FUBP3: variants seen among roughly 807,000 people sequenced by gnomAD.
The protein encoded by FUBP3 is far upstream element binding protein 3.
Under a neutral mutation model 85.6 loss-of-function variants are expected in FUBP3, and 28 were observed. The observed-to-expected ratio is 0.33, with a 90% CI of 0.24 to 0.45. FUBP3 has a LOEUF of 0.45. FUBP3 is among the 20% of genes least tolerant of loss of function. FUBP3 has a pLI of 1.00. For synonymous variants in FUBP3, 271 were observed against 271.4 expected, an observed-to-expected ratio of 1.00 and a Z score of 0.01; for missense variants, 583 against 755.1, an observed-to-expected ratio of 0.77 and a Z score of 2.67.
At chr9:130,622,178 A>T (rs1424948191) in intron 9 of FUBP3, among the ~76,000 whole-genome samples, 1 of 149,224 alleles carries the variant, frequency 6.7e-6, no homozygotes, top group Non-Finnish European at 1.5e-5. Context: ...ACAAAAATAA[A>T]CTGGGCATGG....
chr9:130,625,604 G>C (rs77354709), intron 11 of FUBP3, among the ~76,000 whole-genome samples: 2,637 of 152,318 alleles, frequency 0.017, 89 homozygotes, highest in African/African-American at 0.061. Flanking sequence ...TGACTCCGCG[G>C]ACAGCGGCTG....
chr9:130,602,885 G>T (rs1486864038), intron 2 of FUBP3, among the ~76,000 whole-genome samples: 1 of 152,006 alleles, frequency 6.6e-6, no homozygotes, highest in African/African-American at 2.4e-5. Flanking sequence ...TGAGAGTCAC[G>T]TCTGCCCCTG....
At position 130,636,144 on chromosome 9, in the gene FUBP3, A is replaced by G. The variant is rs1830408564; in HGVS notation, c.1710+18A>G. 6.2e-7 allele frequency: 1 copy of G among 1,610,906 alleles called. No individual in the cohort carries two copies. The highest frequency in any genetic ancestry group is 2.2e-5 in the East Asian group (1 of 44,866). ...ACAGCCAGGTCTGTAGCTGATCACCAGCACCGCTGCCACTCCCTAGCCCCG... is the reference window on the plus strand; with the variant it reads ...ACAGCCAGGTCTGTAGCTGATCACCGGCACCGCTGCCACTCCCTAGCCCCG... On this transcript the variant is annotated intron_variant, in intron 18 of 18. Coordinates refer to ENST00000319725, the MANE Select transcript of FUBP3 (RefSeq NM_003934.2).
intron 2 of FUBP3, among the ~76,000 whole-genome samples, chr9:130,601,734 C>T (rs766327695): frequency 3.0e-4 from 46 of 151,712 alleles, no homozygotes; most frequent in Non-Finnish European, 4.9e-4. Context: ...TCGTTTTCCA[C>T]GGTTTCAGTT....
rs1040779224 is a variant in FUBP3 at position 130,634,018 on chromosome 9, T to C, written c.1511-649T>C. On this transcript the variant is annotated intron_variant, in intron 16 of 18. Coordinates refer to ENST00000319725, the MANE Select transcript of FUBP3 (RefSeq NM_003934.2). ...GTCCTGACCCGCCACTGTGGTCAAGTCTTTGAACCCCCTCTTGTGCCTGGC... is the reference window on the plus strand; with the variant it reads ...GTCCTGACCCGCCACTGTGGTCAAGCCTTTGAACCCCCTCTTGTGCCTGGC... 2.0e-5 allele frequency among the ~76,000 whole-genome samples: 3 copies of C among 152,068 alleles called. No individual in the cohort carries two copies. The East Asian group carries it at 5.8e-4, about 29-fold the overall frequency.
intron 6 of FUBP3, among the ~76,000 whole-genome samples, chr9:130,615,476 A>T (rs1486022781): frequency 1.3e-5 from 2 of 152,226 alleles, no homozygotes; most frequent in African/African-American, 4.8e-5. Context: ...CCTGTTTAGT[A>T]GCTGAATTCT....
intron 2 of FUBP3, among the ~76,000 whole-genome samples, chr9:130,598,758 A>G (rs570045279): frequency 1.3e-5 from 2 of 152,338 alleles, no homozygotes; most frequent in Non-Finnish European, 2.9e-5. Context: ...GTAAATACAC[A>G]CGAATTTTTA....
At chr9:130,595,718 AT>A (rs1821603317) in intron 2 of FUBP3, 130 bp downstream of exon 2, 1 of 664,384 alleles carries the variant, frequency 1.5e-6, no homozygotes, top group Admixed American at 2.2e-5. Flanking sequence ...GAAGGGAAGT[AT>A]TTAGGATGAT....
At chr9:130,611,736 G>A (rs1220247712) in intron 3 of FUBP3, among the ~76,000 whole-genome samples, 1 of 150,406 alleles carries the variant, frequency 6.6e-6, no homozygotes, top group Non-Finnish European at 1.5e-5. Context: ...GGGCAAATTG[G>A]ACATTGTCCA....
At chr9:130,633,028 C>T (rs1035162711) in intron 16 of FUBP3, among the ~76,000 whole-genome samples, 30 of 152,272 alleles carry the variant, frequency 2.0e-4, no homozygotes, top group Admixed American at 1.4e-3. Flanking sequence ...CCGCAGGCCC[C>T]GCCTCACAGC....
chr9:130,629,327 C>T (rs543243645), intron 12 of FUBP3, among the ~76,000 whole-genome samples: 1 of 152,328 alleles, frequency 6.6e-6, no homozygotes, highest in East Asian at 1.9e-4. Context: ...ACAAGCACAA[C>T]ATTTGGTTTT....
chr9:130,597,166 G>A (rs183248572), intron 2 of FUBP3, among the ~76,000 whole-genome samples: 123 of 152,036 alleles, frequency 8.1e-4, no homozygotes, highest in African/African-American at 2.8e-3. Context: ...GTCTTTCTCC[G>A]CCTGGCTTAT....
intron 1 of FUBP3, among the ~76,000 whole-genome samples, chr9:130,588,450 G>A (rs1588114347): frequency 2.0e-5 from 3 of 152,106 alleles, no homozygotes; most frequent in African/African-American, 7.2e-5. Flanking sequence ...AGTTACATAG[G>A]TATTTTAGTG....
intron 2 of FUBP3, among the ~76,000 whole-genome samples, chr9:130,600,099 T>TCCTCCCTCCCTCCCTCCCTCCCTCCCTC (rs61692268): frequency 8.0e-6 from 1 of 124,958 alleles, no homozygotes; most frequent in African/African-American, 3.7e-5. Flanking sequence ...TTTCCTTCCT[T>TCCTCCCTCCCTCCCTCCCTCCCTCCCTC]CCTCCCTCCC....
At chr9:130,586,749 C>CTT (rs34911755) in intron 1 of FUBP3, among the ~76,000 whole-genome samples, 34,866 of 113,108 alleles carry the variant, frequency 0.31, 5,977 homozygotes, top group East Asian at 0.47. Flanking sequence ...AAGCAGCAAT[C>CTT]TTTTTTTTTT....
At chr9:130,608,421 G>T (rs1384539843) in intron 2 of FUBP3, among the ~76,000 whole-genome samples, 1 of 152,106 alleles carries the variant, frequency 6.6e-6, no homozygotes, top group African/African-American at 2.4e-5. Flanking sequence ...TTCTCCTTTG[G>T]TGTGTTTCTT....
In FUBP3 at chr9:130,590,324, G is replaced by A. The variant is rs529326210; in HGVS notation, c.85-5159G>A. On this transcript the variant is annotated intron_variant, in intron 1 of 18. Coordinates refer to ENST00000319725, the MANE Select transcript of FUBP3 (RefSeq NM_003934.2). ...AAAGGTCTTGCCCAAGGTCACATGC[G>A]GGAAGAACTGGCTGGAAAATCAGGA... Among the ~76,000 whole-genome samples the A allele has an allele frequency of 3.3e-5, 5 of 152,236 alleles. No homozygotes were observed. In the East Asian group the frequency reaches 5.8e-4, roughly 18 times the overall value.
intron 11 of FUBP3, among the ~76,000 whole-genome samples, chr9:130,626,028 T>C (rs1004078337): frequency 1.3e-5 from 2 of 152,184 alleles, no homozygotes; most frequent in African/African-American, 4.8e-5. Context: ...AAAGCAGTTC[T>C]TGATGCCTGT....
chr9:130,629,179 C>A (rs1830112574), intron 12 of FUBP3, among the ~76,000 whole-genome samples: 1 of 152,154 alleles, frequency 6.6e-6, no homozygotes, highest in Non-Finnish European at 1.5e-5. Context: ...GGTAAAGGTC[C>A]CCTAGGAGGG....
Sources: gnomAD v4.1 joint callset for allele counts (sites outside exome capture counted in the v4.1 genomes callset) on GRCh38, gnomAD v4.1.1 for gene constraint, MANE v1.5 for transcripts, NCBI Gene and HGNC (gene_info 2026-07-23, HGNC 2026-07-21) for gene names.